SCMH1: variants seen among roughly 807,000 people sequenced by gnomAD.
SCMH1 encodes Scm polycomb group protein homolog 1.
A neutral mutation model predicts 70.8 loss-of-function variants in SCMH1; 37 were observed. That is an observed-to-expected ratio of 0.52 (90% CI 0.40 to 0.69). The LOEUF is 0.69. SCMH1 is among the 30% of genes least tolerant of loss of function. The probability of loss-of-function intolerance (pLI) is 0.00; values close to 1 mark genes in which losing one functional copy is unlikely to be tolerated. For synonymous variants in SCMH1, 292 were observed against 307.4 expected, an observed-to-expected ratio of 0.95 and a Z score of 0.52; for missense variants, 607 against 827.3, an observed-to-expected ratio of 0.73 and a Z score of 3.27.
chr1:41,203,734 T>G (rs1367163824), intron 1 of SCMH1, among the ~76,000 whole-genome samples: 1 of 152,250 alleles, frequency 6.6e-6, no homozygotes, highest in Middle Eastern at 3.2e-3. Context: ...ATCTGTGCCT[T>G]AAGGACATGC....
At position 41,172,176 on chromosome 1, in the gene SCMH1, C is replaced by T. The variant is rs577551013; in HGVS notation, c.14-10744G>A. 1.7e-3 allele frequency among the ~76,000 whole-genome samples: 235 copies of T among 135,738 alleles called. 1 individual carries two copies. The highest frequency in any genetic ancestry group is 2.9e-3 in the Non-Finnish European group (184 of 63,084). 89.0% of individuals were successfully genotyped at this position (135,738 alleles called of 152,430 possible). A position where few individuals can be genotyped will look rare whatever the true frequency, so the allele number is the denominator to read the frequency against. On this transcript the variant is annotated intron_variant, in intron 2 of 14. Coordinates refer to ENST00000337495, the Ensembl canonical transcript of SCMH1. ...CTCCAGCCTGGGCGACAGAGCGAGA[C>T]TCCATCTCAAAAAAAAAAAAAAAAA...
intron 7 of SCMH1, among the ~76,000 whole-genome samples, chr1:41,116,578 G>A (rs1313541635): frequency 6.6e-6 from 1 of 152,144 alleles, no homozygotes; most frequent in Non-Finnish European, 1.5e-5. Flanking sequence ...TCTTTTCTCT[G>A]TTTAGAACAT....
Position 41,037,414 on chromosome 1 carries a change from G to A in SCMH1, c.1626C>T (p.Ser542=), listed in dbSNP as rs765722019. 8.7e-6 allele frequency: 14 copies of A among 1,614,108 alleles called. No individual in the cohort carries two copies. In the African/African-American group the frequency reaches 1.7e-4, roughly 20 times the overall value. The stretch of plus-strand genomic sequence containing the variant: ...AGGCAGTGCTTGGTGGGAGGCCACA[G>A]GATGAAAGCAAGGGCCGGTGCCTTT... Residue 542 remains serine (S), a synonymous_variant, in exon 13 of 15, where the codon TCC becomes TCT. Coordinates refer to ENST00000337495, the Ensembl canonical transcript of SCMH1.
chr1:41,116,610 T>A (rs568605790), intron 7 of SCMH1, among the ~76,000 whole-genome samples: 6 of 152,210 alleles, frequency 3.9e-5, no homozygotes, highest in Non-Finnish European at 8.8e-5. Flanking sequence ...AACTCCAAGA[T>A]CTATAATAAG....
At chr1:41,028,279 A>G in exon 15 of SCMH1, 1 of 1,577,248 alleles carries the variant, frequency 6.3e-7, no homozygotes, top group Non-Finnish European at 8.6e-7. Flanking sequence ...CTTCATCATC[A>G]TGTCACTGCG....
At chr1:41,148,678 T>G (rs896599341) in intron 5 of SCMH1, among the ~76,000 whole-genome samples, 3 of 152,218 alleles carry the variant, frequency 2.0e-5, no homozygotes, top group African/African-American at 7.2e-5. Context: ...TTGAGTTTTC[T>G]CTATCAATGG....
chr1:41,150,293 A>T (rs113984569), intron 5 of SCMH1, among the ~76,000 whole-genome samples: 12 of 152,220 alleles, frequency 7.9e-5, no homozygotes, highest in Admixed American at 2.0e-4. Flanking sequence ...ACCTGAAATC[A>T]GGAGCTGGAG....
exon 15 of SCMH1, chr1:41,027,745 A>G (rs1643963244): frequency 6.4e-6 from 1 of 157,078 alleles, no homozygotes; most frequent in South Asian, 2.0e-4. Flanking sequence ...TAAATTAACA[A>G]TAAGATCTTT....
intron 2 of SCMH1, among the ~76,000 whole-genome samples, chr1:41,184,902 C>T (rs908394985): frequency 6.6e-6 from 1 of 152,192 alleles, no homozygotes; most frequent in Non-Finnish European, 1.5e-5. Flanking sequence ...TAGCAACTAT[C>T]TATATCTTAT....
At chr1:41,033,481 A>AG (rs1360753087) in intron 13 of SCMH1, among the ~76,000 whole-genome samples, 8 of 152,214 alleles carry the variant, frequency 5.3e-5, no homozygotes, top group Middle Eastern at 3.4e-3. Flanking sequence ...TTCAGAGGGG[A>AG]GGGGTGAAAA....
At chr1:41,194,368 GA>G (rs1652480765) in intron 1 of SCMH1, among the ~76,000 whole-genome samples, 1 of 152,054 alleles carries the variant, frequency 6.6e-6, no homozygotes, top group Non-Finnish European at 1.5e-5. Context: ...TATCAAATAG[GA>G]AATCATTCTT....
intron 2 of SCMH1, among the ~76,000 whole-genome samples, chr1:41,164,459 T>C (rs1336999230): frequency 2.6e-5 from 4 of 152,092 alleles, no homozygotes; most frequent in South Asian, 2.1e-4. Context: ...TTCAGATTCA[T>C]TGAGAAAACA....
chr1:41,038,289 AC>A (rs1645595272), intron 12 of SCMH1, among the ~76,000 whole-genome samples: 1 of 152,182 alleles, frequency 6.6e-6, no homozygotes, highest in Non-Finnish European at 1.5e-5. Flanking sequence ...ATGGCCCAAC[AC>A]CAGGCGGCAG....
At chr1:41,176,706 G>A (rs1647177164) in intron 2 of SCMH1, among the ~76,000 whole-genome samples, 1 of 152,228 alleles carries the variant, frequency 6.6e-6, no homozygotes, top group Non-Finnish European at 1.5e-5. Flanking sequence ...CTGGGGGAGG[G>A]GCGCCCGCCA....
At chr1:41,094,061 T>C (rs1164103196) in intron 8 of SCMH1, among the ~76,000 whole-genome samples, 1 of 152,198 alleles carries the variant, frequency 6.6e-6, no homozygotes, top group Non-Finnish European at 1.5e-5. Context: ...CAAGCGTTTT[T>C]TCTTCAGGCA....
At chr1:41,116,726 C>T (rs1670556924) in intron 7 of SCMH1, among the ~76,000 whole-genome samples, 196 bp downstream of exon 7, 1 of 151,976 alleles carries the variant, frequency 6.6e-6, no homozygotes, top group South Asian at 2.1e-4. Context: ...AAGCTGGGAC[C>T]ATATAATCTA....
chr1:41,087,797 C>A (rs1662147192), intron 8 of SCMH1, among the ~76,000 whole-genome samples: 1 of 151,988 alleles, frequency 6.6e-6, no homozygotes, highest in Non-Finnish European at 1.5e-5. Flanking sequence ...AAGAATACCG[C>A]TTCTGGTCAT....
chr1:41,219,557 T>C (rs929067479), intron 1 of SCMH1, among the ~76,000 whole-genome samples: 6 of 152,146 alleles, frequency 3.9e-5, no homozygotes, highest in Non-Finnish European at 5.9e-5. Flanking sequence ...ATCAGAATAG[T>C]TGGGGTTAAA....
intron 2 of SCMH1, among the ~76,000 whole-genome samples, chr1:41,185,629 G>A (rs1649975300): frequency 6.7e-6 from 1 of 149,030 alleles, no homozygotes; most frequent in Non-Finnish European, 1.5e-5. Context: ...TAGCCAAATT[G>A]TTACAGATTT....
Sources: gnomAD v4.1 joint callset for allele counts (sites outside exome capture counted in the v4.1 genomes callset) on GRCh38, gnomAD v4.1.1 for gene constraint, MANE v1.5 for transcripts, NCBI Gene and HGNC (gene_info 2026-07-23, HGNC 2026-07-21) for gene names.